TAFA4: variants seen among roughly 807,000 people sequenced by gnomAD.
TAFA4 encodes TAFA chemokine like family member 4.
A neutral mutation model predicts 21.1 loss-of-function variants in TAFA4; 20 were observed. The observed-to-expected ratio is 0.95, with a 90% confidence interval of 0.67 to 1.38. The LOEUF (loss-of-function observed/expected upper bound fraction) is 1.38, where lower values mean the gene tolerates loss of function less well. TAFA4 is among the 40% of genes most tolerant of loss of function. The probability of loss-of-function intolerance (pLI) is 0.00; values close to 1 mark genes in which losing one functional copy is unlikely to be tolerated. For synonymous variants in TAFA4, 71 were observed against 67.4 expected (o/e 1.05, Z -0.26); for missense variants, 211 against 180.9 (o/e 1.17, Z -0.95).
In TAFA4 at chr3:68,871,517, G is replaced by A. The variant is rs148008069; in HGVS notation, c.130+9213C>T. Among the ~76,000 whole-genome samples, 530 of 152,088 alleles carry A rather than the reference G, an allele frequency of 3.5e-3. 3 individuals are homozygous for A. Among genetic ancestry groups the A allele is most frequent in the African/African-American group, 0.012 (495 of 41,494 alleles). ...GGGAAATGCTTCAAGACATTGGTCC[G>A]GGCAAAAATTTTTTTAGTAAGACTT... On this transcript the variant is annotated intron_variant, in intron 3 of 5. Transcript: ENST00000295569.
At chr3:68,824,733 C>T (rs914671658) in intron 3 of TAFA4, among the ~76,000 whole-genome samples, 1 of 152,178 alleles carries the variant, frequency 6.6e-6, no homozygotes, top group Non-Finnish European at 1.5e-5. Flanking sequence ...TATCTTCAGG[C>T]TCACAGATGA....
rs575780797 is a variant in TAFA4 at position 68,740,405 on chromosome 3, A to G, written c.287-1206T>C. Reference sequence around the variant, plus strand: ...TCTAGTGAGTGGACAGCAACCACTTAAAGTCAATTACAAGAAGCCACAGGA... The same window carrying G: ...TCTAGTGAGTGGACAGCAACCACTTGAAGTCAATTACAAGAAGCCACAGGA... On this transcript the variant is annotated intron_variant, in intron 4 of 5. Transcript: ENST00000295569. Among the ~76,000 whole-genome samples the G allele has an allele frequency of 1.1e-4, 17 of 152,334 alleles. No individual in the cohort carries two copies. In the South Asian group the frequency reaches 3.5e-3, roughly 32 times the overall value.
intron 3 of TAFA4, among the ~76,000 whole-genome samples, chr3:68,828,909 A>G (rs1238993492): frequency 6.6e-6 from 1 of 152,096 alleles, no homozygotes; most frequent in African/African-American, 2.4e-5. Context: ...AACCTCCAAT[A>G]CTATGTTGAC....
At chr3:68,845,683 T>C (rs920500540) in intron 3 of TAFA4, among the ~76,000 whole-genome samples, 2 of 152,242 alleles carry the variant, frequency 1.3e-5, no homozygotes, top group Non-Finnish European at 2.9e-5. Context: ...TGTTTAGTGC[T>C]TCCTTCAGGA....
chr3:68,745,263 G>T (rs1702435728), intron 4 of TAFA4, among the ~76,000 whole-genome samples: 1 of 152,192 alleles, frequency 6.6e-6, no homozygotes, highest in African/African-American at 2.4e-5. Context: ...TCAGAAGTAG[G>T]ATTTTATTAA....
chr3:68,904,352 T>G (rs1198637836), intron 1 of TAFA4, among the ~76,000 whole-genome samples: 1 of 152,222 alleles, frequency 6.6e-6, no homozygotes, highest in Non-Finnish European at 1.5e-5. Flanking sequence ...GCTAGCGAGT[T>G]GCTCAGTAAA....
intron 3 of TAFA4, among the ~76,000 whole-genome samples, chr3:68,833,142 C>A (rs916400128): frequency 6.6e-6 from 1 of 152,186 alleles, no homozygotes; most frequent in African/African-American, 2.4e-5. Context: ...AGGGAAATCC[C>A]CCAACCCTTT....
intron 3 of TAFA4, among the ~76,000 whole-genome samples, chr3:68,808,775 G>T (rs1186942054): frequency 6.6e-6 from 1 of 152,130 alleles, no homozygotes; most frequent in Non-Finnish European, 1.5e-5. Flanking sequence ...TAACAAAAAA[G>T]CCCAAAATAT....
chr3:68,747,698 C>T (rs907097688), intron 4 of TAFA4, among the ~76,000 whole-genome samples: 1 of 152,178 alleles, frequency 6.6e-6, no homozygotes, highest in African/African-American at 2.4e-5. Context: ...GAAACCTATG[C>T]TGACGAGGTG....
At chr3:68,878,388 T>C (rs1028970181) in intron 3 of TAFA4, among the ~76,000 whole-genome samples, 2 of 152,212 alleles carry the variant, frequency 1.3e-5, no homozygotes, top group Non-Finnish European at 2.9e-5. Context: ...ATGCTTTGTG[T>C]CCCAACTACT....
intron 3 of TAFA4, among the ~76,000 whole-genome samples, chr3:68,799,127 A>C (rs1363042365): frequency 6.6e-6 from 1 of 152,178 alleles, no homozygotes; most frequent in African/African-American, 2.4e-5. Flanking sequence ...CAAGATGTTC[A>C]CGTCCTAATT....
At chr3:68,755,584 C>T (rs1702646433) in intron 3 of TAFA4, among the ~76,000 whole-genome samples, 1 of 152,150 alleles carries the variant, frequency 6.6e-6, no homozygotes, top group Non-Finnish European at 1.5e-5. Context: ...TCCCACATGG[C>T]ACCAGGGTTG....
At chr3:68,881,824 T>C (rs1279235911) in intron 2 of TAFA4, among the ~76,000 whole-genome samples, 1 of 152,152 alleles carries the variant, frequency 6.6e-6, no homozygotes, top group Non-Finnish European at 1.5e-5. Context: ...GCAAGACCCC[T>C]AAGGAAGTCC....
chr3:68,759,775 T>C (rs766865398), intron 3 of TAFA4, among the ~76,000 whole-genome samples: 7 of 152,134 alleles, frequency 4.6e-5, no homozygotes, highest in Non-Finnish European at 7.4e-5. Flanking sequence ...ATGGGGCTGC[T>C]CCTAGGAGGG....
chr3:68,822,822 A>G (rs1704142744), intron 3 of TAFA4, among the ~76,000 whole-genome samples: 1 of 152,188 alleles, frequency 6.6e-6, no homozygotes, highest in Non-Finnish European at 1.5e-5. Flanking sequence ...GCATTCTAAG[A>G]TGGAATTAAT....
intron 1 of TAFA4, among the ~76,000 whole-genome samples, chr3:68,897,618 C>T (rs2089804864): frequency 6.8e-6 from 1 of 147,734 alleles, no homozygotes; most frequent in Non-Finnish European, 1.5e-5. Flanking sequence ...AAAAGCGAAA[C>T]TCCATCTCAA....
chr3:68,903,931 G>A (rs1001028484), intron 1 of TAFA4, among the ~76,000 whole-genome samples: 12 of 151,990 alleles, frequency 7.9e-5, no homozygotes, highest in African/African-American at 2.7e-4. Context: ...CATCCCATGT[G>A]AGCCTAACCT....
intron 3 of TAFA4, among the ~76,000 whole-genome samples, chr3:68,795,029 C>CAG (rs995551737): frequency 2.7e-5 from 4 of 150,488 alleles, no homozygotes; most frequent in Non-Finnish European, 4.4e-5. Context: ...CACACACACA[C>CAG]ACACACAGAC....
chr3:68,890,421 C>A (rs2089718411), intron 1 of TAFA4, among the ~76,000 whole-genome samples: 1 of 152,116 alleles, frequency 6.6e-6, no homozygotes, highest in African/African-American at 2.4e-5. Context: ...CAATTCTAAG[C>A]AATAAGGGGA....
Sources: allele counts gnomAD v4.1 joint callset (sites outside exome capture counted in the v4.1 genomes callset), GRCh38; gene constraint gnomAD v4.1.1; transcripts MANE v1.5; gene names NCBI Gene and HGNC (gene_info 2026-07-23, HGNC 2026-07-21).